TRPC7: variants seen among roughly 807,000 people sequenced by gnomAD.
The protein encoded by TRPC7 is short transient receptor potential channel 7.
A neutral mutation model predicts 90.1 loss-of-function variants in TRPC7; 42 were observed. The observed-to-expected ratio is 0.47, with a 90% CI of 0.36 to 0.60. TRPC7 has a LOEUF of 0.60. Among genes scored for constraint, TRPC7 ranks in the 20% least tolerant of loss-of-function variants. The pLI is 0.00. For missense variants in TRPC7, 955 were observed against 1,112.3 expected (o/e 0.86, Z 2.01); for synonymous variants, 451 against 436.3 (o/e 1.03, Z -0.42).
intron 3 of TRPC7, among the ~76,000 whole-genome samples, chr5:136,292,407 A>T (rs1438253183): frequency 6.6e-6 from 1 of 152,186 alleles, no homozygotes; most frequent in Non-Finnish European, 1.5e-5. Flanking sequence ...CAAGACTAAT[A>T]AAGAAGAAAA....
intron 4 of TRPC7, among the ~76,000 whole-genome samples, chr5:136,270,782 C>A (rs1002794500): frequency 1.1e-4 from 16 of 152,202 alleles, no homozygotes; most frequent in African/African-American, 3.9e-4. Flanking sequence ...CAGCTTCCGG[C>A]ACTCTTTAAT....
chr5:136,222,925 G>A (rs1755505507), intron 10 of TRPC7, among the ~76,000 whole-genome samples: 1 of 152,202 alleles, frequency 6.6e-6, no homozygotes, highest in Admixed American at 6.5e-5. Context: ...GTGAGCTAGT[G>A]TCCAGCCTGC....
chr5:136,256,559 G>A (rs1756692805), intron 5 of TRPC7, among the ~76,000 whole-genome samples: 1 of 136,470 alleles, frequency 7.3e-6, no homozygotes, highest in Non-Finnish European at 1.6e-5. Context: ...TCCCACTCTT[G>A]CACCCCTGAC....
chr5:136,356,498 T>A, intron 2 of TRPC7, 110 bp downstream of exon 2: 1 of 1,175,072 alleles, frequency 8.5e-7, no homozygotes, highest in Non-Finnish European at 1.2e-6. Flanking sequence ...CTCAGTAAGA[T>A]CCTGAAGCTT....
At chr5:136,232,915 G>A (rs969944050) in intron 7 of TRPC7, among the ~76,000 whole-genome samples, 14 of 152,012 alleles carry the variant, frequency 9.2e-5, no homozygotes, top group African/African-American at 2.9e-4. Context: ...CCCACAAATG[G>A]CCAGGATTAG....
chr5:136,239,308 C>A (rs1414255363), intron 7 of TRPC7, among the ~76,000 whole-genome samples: 1 of 152,200 alleles, frequency 6.6e-6, no homozygotes, highest in Non-Finnish European at 1.5e-5. Flanking sequence ...GAATTTATAA[C>A]ATGAAAGGTG....
chr5:136,259,593 C>T (rs1308929240), intron 5 of TRPC7, among the ~76,000 whole-genome samples: 1 of 152,214 alleles, frequency 6.6e-6, no homozygotes, highest in Non-Finnish European at 1.5e-5. Context: ...TTACACAGTT[C>T]TCAGATGAAC....
At chr5:136,279,737 T>G (rs1757484486) in intron 3 of TRPC7, among the ~76,000 whole-genome samples, 1 of 152,186 alleles carries the variant, frequency 6.6e-6, no homozygotes, top group Non-Finnish European at 1.5e-5. Context: ...GCAAGTTTTC[T>G]TGGATTATTT....
intron 1 of TRPC7, among the ~76,000 whole-genome samples, chr5:136,360,604 GC>G (rs1760541283): frequency 6.6e-6 from 1 of 152,296 alleles, no homozygotes; most frequent in African/African-American, 2.4e-5. Flanking sequence ...CTCTTTCGCA[GC>G]CTTTAAAACC....
chr5:136,287,319 A>G (rs1014236769), intron 3 of TRPC7, among the ~76,000 whole-genome samples: 4 of 151,960 alleles, frequency 2.6e-5, no homozygotes, highest in African/African-American at 9.7e-5. Flanking sequence ...TGAATATCAC[A>G]TGCAGGCTTT....
At chr5:136,263,536 T>G (rs1038411036) in intron 5 of TRPC7, among the ~76,000 whole-genome samples, 2 of 152,110 alleles carry the variant, frequency 1.3e-5, no homozygotes, top group African/African-American at 4.8e-5. Context: ...GAGTCAAGAC[T>G]TCAAAACAGT....
intron 7 of TRPC7, among the ~76,000 whole-genome samples, chr5:136,245,770 T>C (rs1243279590): frequency 6.6e-6 from 1 of 152,188 alleles, no homozygotes; most frequent in Non-Finnish European, 1.5e-5. Context: ...CTGGAAACAC[T>C]TCTGTGTTTC....
intron 2 of TRPC7, among the ~76,000 whole-genome samples, chr5:136,330,072 C>T (rs1175878513): frequency 1.3e-5 from 2 of 152,162 alleles, no homozygotes; most frequent in African/African-American, 2.4e-5. Flanking sequence ...TCCTTCAGGA[C>T]ATGTGAGTTG....
intron 7 of TRPC7, among the ~76,000 whole-genome samples, chr5:136,238,819 T>C (rs1034968794): frequency 2.6e-5 from 4 of 152,178 alleles, no homozygotes; most frequent in Non-Finnish European, 2.9e-5. Context: ...CAAATAAACA[T>C]GAGAAGAATG....
chr5:136,297,277 T>C (rs1758212248), intron 3 of TRPC7, among the ~76,000 whole-genome samples: 1 of 152,178 alleles, frequency 6.6e-6, no homozygotes, highest in Non-Finnish European at 1.5e-5. Flanking sequence ...CTGGGTCTTA[T>C]TTATTCTATA....
At chr5:136,307,080 G>T (rs1758662397) in intron 3 of TRPC7, among the ~76,000 whole-genome samples, 2 of 152,132 alleles carry the variant, frequency 1.3e-5, no homozygotes, top group African/African-American at 4.8e-5. Flanking sequence ...TATACAATAT[G>T]TTATGATTAA....
chr5:136,243,175 C>G (rs1756222232), intron 7 of TRPC7, among the ~76,000 whole-genome samples: 1 of 152,088 alleles, frequency 6.6e-6, no homozygotes. Flanking sequence ...CATGGTGAGA[C>G]TGGTTTTTGT....
At chr5:136,346,594 G>T (rs1023069616) in intron 2 of TRPC7, among the ~76,000 whole-genome samples, 2 of 152,090 alleles carry the variant, frequency 1.3e-5, no homozygotes, top group African/African-American at 4.8e-5. Context: ...CATTTATGAA[G>T]TTCCCATATC....
At chr5:136,299,859 G>T (rs1758316081) in intron 3 of TRPC7, among the ~76,000 whole-genome samples, 1 of 152,160 alleles carries the variant, frequency 6.6e-6, no homozygotes. Context: ...TCTATTTCTT[G>T]TGGGGCATTG....
Sources: allele counts gnomAD v4.1 joint callset (sites outside exome capture counted in the v4.1 genomes callset), GRCh38; gene constraint gnomAD v4.1.1; transcripts MANE v1.5; gene names NCBI Gene and HGNC (gene_info 2026-07-23, HGNC 2026-07-21).